Variants in PLXNA4 observed in about 807,000 individuals in gnomAD.
The protein encoded by PLXNA4 is plexin-A4.
Under a neutral mutation model 191.8 loss-of-function variants are expected in PLXNA4, and 44 were observed. The ratio of observed to expected loss-of-function variants is 0.23; its 90% CI spans 0.18 to 0.29. The LOEUF is 0.29. Among genes scored for constraint, PLXNA4 ranks in the 10% least tolerant of loss-of-function variants. The pLI is 1.00. For synonymous variants in PLXNA4, 1,082 were observed against 1,009.5 expected (o/e 1.07, Z -1.36); for missense variants, 1,800 against 2,488.8 (o/e 0.72, Z 5.89).
chr7:132,343,105 GA>G (rs1803103120), intron 3 of PLXNA4, among the ~76,000 whole-genome samples: 1 of 151,078 alleles, frequency 6.6e-6, no homozygotes, highest in Non-Finnish European at 1.5e-5. Flanking sequence ...CAACAGTTAA[GA>G]TTTTTTTTTT....
chr7:132,479,833 A>G (rs538015395), intron 3 of PLXNA4, among the ~76,000 whole-genome samples: 5 of 151,866 alleles, frequency 3.3e-5, no homozygotes, highest in African/African-American at 9.7e-5. Context: ...TTATTTTTAT[A>G]TTTTAGTAGA....
chr7:132,181,414 C>T lies in PLXNA4; in HGVS notation c.3459G>A (p.Leu1153=), dbSNP rs762272100. ...VFEAFGPSGI[L]ELKPGTPIIL... is the part of the protein sequence containing the mutation. ...TGATGGGCGTGCCAGGCTTGAGCTC[C>T]AGGATTCCTGAGGGACCAAAGGCCT... Residue 1153 remains leucine (L), a synonymous_variant, in exon 18 of 32, where the codon CTG becomes CTA. Transcript: ENST00000321063. 6.2e-7 allele frequency: 1 copy of T among 1,614,068 alleles called. No individual in the cohort carries two copies. The highest frequency in any genetic ancestry group is 1.1e-5 in the South Asian group (1 of 91,072).
chr7:132,133,282 G>T, intron 30 of PLXNA4, 83 bp from the exon 31 acceptor site: 1 of 1,553,378 alleles, frequency 6.4e-7, no homozygotes, highest in South Asian at 1.2e-5. Context: ...ACCGTGTCTG[G>T]GGCCATGAGC....
chr7:132,528,841 G>A (rs986034599), intron 1 of PLXNA4, among the ~76,000 whole-genome samples: 4 of 152,152 alleles, frequency 2.6e-5, no homozygotes, highest in Non-Finnish European at 1.5e-5. Context: ...CTTCTTGTGT[G>A]AGGCCACCAT....
intron 15 of PLXNA4, 83 bp downstream of exon 15, chr7:132,187,388 A>G: frequency 6.5e-7 from 1 of 1,529,452 alleles, no homozygotes; most frequent in Non-Finnish European, 8.8e-7. Context: ...AACTCTCTGC[A>G]ATAAAAACAA....
Position 132,262,077 on chromosome 7 carries a change from A to G in PLXNA4, c.1504-20911T>C, listed in dbSNP as rs143237933. On this transcript the variant is annotated intron_variant, in intron 4 of 31. Coordinates refer to ENST00000321063, the MANE Select transcript of PLXNA4 (RefSeq NM_020911.2). ...CCAAGATATATGGGAAATTGAGAGT[A>G]CATTTCCCTTCCTTTCCCCGGGTTG... 5.9e-5 allele frequency among the ~76,000 whole-genome samples: 9 copies of G among 152,346 alleles called. No homozygotes were observed. In the East Asian group the frequency reaches 1.7e-3, roughly 29 times the overall value.
intron 1 of PLXNA4, among the ~76,000 whole-genome samples, chr7:132,528,024 C>T (rs1410278720): frequency 6.6e-6 from 1 of 152,220 alleles, no homozygotes; most frequent in African/African-American, 2.4e-5. Context: ...ACTGAAAAAG[C>T]AGGGAAGTGA....
intron 1 of PLXNA4, among the ~76,000 whole-genome samples, chr7:132,572,382 C>T (rs951234362): frequency 6.6e-6 from 1 of 152,212 alleles, no homozygotes; most frequent in Non-Finnish European, 1.5e-5. Context: ...TATCATCTTC[C>T]ATTCCATTGT....
At chr7:132,273,221 G>A (rs1800141986) in intron 4 of PLXNA4, among the ~76,000 whole-genome samples, 1 of 152,170 alleles carries the variant, frequency 6.6e-6, no homozygotes, top group South Asian at 2.1e-4. Context: ...GAAAGTGGAA[G>A]CATTGGAACC....
At chr7:132,179,999 C>T (rs1020552515) in intron 19 of PLXNA4, 78 bp from the exon 20 acceptor site, 21 of 1,498,154 alleles carry the variant, frequency 1.4e-5, no homozygotes, top group Non-Finnish European at 1.9e-5. Context: ...TACCCATGAA[C>T]TAGTGACCAG....
chr7:132,204,433 A>T (rs867018506), intron 10 of PLXNA4, among the ~76,000 whole-genome samples: 1 of 152,224 alleles, frequency 6.6e-6, no homozygotes, highest in Non-Finnish European at 1.5e-5. Flanking sequence ...AAGGGGCAGG[A>T]TGGAAGAATG....
At chr7:132,648,423 C>G (rs1396816533) in intron 1 of PLXNA4, 1 of 152,258 alleles carries the variant, frequency 6.6e-6, no homozygotes, top group Non-Finnish European at 1.5e-5. Context: ...TGTATCTCAG[C>G]TTTCCTCTGC....
chr7:132,564,165 TCTC>T (rs1316646043), intron 1 of PLXNA4, among the ~76,000 whole-genome samples: 1 of 73,710 alleles, frequency 1.4e-5, no homozygotes, highest in African/African-American at 5.3e-5. Flanking sequence ...TCCTCCTCCT[TCTC>T]CTCTTCCTCC....
chr7:132,297,635 C>T (rs1801139212), intron 4 of PLXNA4, among the ~76,000 whole-genome samples: 1 of 152,192 alleles, frequency 6.6e-6, no homozygotes, highest in Non-Finnish European at 1.5e-5. Flanking sequence ...CATCTCATCA[C>T]ACAGACTGTT....
At chr7:132,278,081 A>G (rs1305936544) in intron 4 of PLXNA4, among the ~76,000 whole-genome samples, 1 of 152,258 alleles carries the variant, frequency 6.6e-6, no homozygotes, top group African/African-American at 2.4e-5. Context: ...ATGACCTGAC[A>G]AAGTATGCAA....
chr7:132,140,815 C>T lies in PLXNA4; in HGVS notation c.5226-4G>A, dbSNP rs371701043. On this transcript the variant is annotated splice_polypyrimidine_tract_variant and splice_region_variant and intron_variant, in intron 29 of 31. Coordinates refer to ENST00000321063, the MANE Select transcript of PLXNA4 (RefSeq NM_020911.2). ...GACCCAAAACCTCAGGGGCAGGCTG[C>T]GTGGAAGGAAGAGGCAGATGGTCAG... 2.9e-5 allele frequency: 46 copies of T among 1,613,504 alleles called. No homozygotes were observed. The highest frequency in any genetic ancestry group is 3.3e-5 in the South Asian group (3 of 91,012).
chr7:132,213,079 A>C (rs1416990012), intron 9 of PLXNA4, among the ~76,000 whole-genome samples: 1 of 152,236 alleles, frequency 6.6e-6, no homozygotes, highest in Non-Finnish European at 1.5e-5. Flanking sequence ...AGCCTTAAAA[A>C]GGGAGGAAAC....
At chr7:132,472,903 G>A (rs772908745) in intron 3 of PLXNA4, among the ~76,000 whole-genome samples, 4 of 152,204 alleles carry the variant, frequency 2.6e-5, no homozygotes, top group Non-Finnish European at 4.4e-5. Flanking sequence ...CAAGCACAGT[G>A]AGCTGAAGTT....
At chr7:132,153,855 C>T (rs1309586646) in intron 25 of PLXNA4, among the ~76,000 whole-genome samples, 1 of 152,186 alleles carries the variant, frequency 6.6e-6, no homozygotes, top group Non-Finnish European at 1.5e-5. Context: ...GCACATGCAC[C>T]TTTTCCACCA....
Sources: gnomAD v4.1 joint callset for allele counts (sites outside exome capture counted in the v4.1 genomes callset) on GRCh38, gnomAD v4.1.1 for gene constraint, MANE v1.5 for transcripts, NCBI Gene and HGNC (gene_info 2026-07-23, HGNC 2026-07-21) for gene names.